Variants in ZNF599 observed in about 807,000 individuals in gnomAD.
ZNF599 encodes the protein zinc finger protein 599.
A neutral mutation model predicts 11.7 loss-of-function variants in ZNF599; 10 were observed. The observed-to-expected ratio is 0.86, with a 90% confidence interval of 0.53 to 1.45. The LOEUF is 1.45. Among genes scored for constraint, ZNF599 ranks in the 40% most tolerant of loss-of-function variants. ZNF599 has a pLI of 0.00. For synonymous variants in ZNF599, 232 were observed against 253.2 expected, an observed-to-expected ratio of 0.92 and a Z score of 0.79; for missense variants, 688 against 713.6, an observed-to-expected ratio of 0.96 and a Z score of 0.41.
rs147164594 is a variant in ZNF599, at chr19:34,769,147, C to A, written c.145+282G>T. Among the ~76,000 whole-genome samples the A allele has an allele frequency of 3.1e-3, 474 of 152,344 alleles. 2 individuals are homozygous for A. The highest frequency in any genetic ancestry group is 2.4e-3 in the Non-Finnish European group (165 of 68,038). On this transcript the variant is annotated intron_variant, in intron 2 of 3. Transcript: ENST00000329285. The stretch of plus-strand genomic sequence containing the variant: ...TGTGAGGACATTTGACTCAACCAAG[C>A]TGGGCCAATTACCTCTTGTGGCAGT...
the ZNF599 span, among the ~76,000 whole-genome samples, chr19:34,806,779 C>T: frequency 2.6e-5 from 4 of 152,176 alleles, no homozygotes; most frequent in South Asian, 2.1e-4. Context: ...CTCTCCAAAC[C>T]GCTTTGTCTT....
chr19:34,777,233 T>A (rs544217875), upstream of ZNF599, among the ~76,000 whole-genome samples: 691 of 133,056 alleles, frequency 5.2e-3, 2 homozygotes, highest in Non-Finnish European at 6.4e-3. Context: ...CTCTGGATAT[T>A]TAAATATATA....
chr19:34,804,307 T>C, the ZNF599 span, among the ~76,000 whole-genome samples: 3 of 152,232 alleles, frequency 2.0e-5, no homozygotes, highest in Non-Finnish European at 4.4e-5. Context: ...CATGAATGTC[T>C]ATTCTTCTCT....
chr19:34,806,061 C>T, the ZNF599 span, among the ~76,000 whole-genome samples: 3 of 152,170 alleles, frequency 2.0e-5, no homozygotes, highest in Non-Finnish European at 4.4e-5. Flanking sequence ...CACCACAATC[C>T]TATAGCCACG....
At chr19:34,785,837 A>G in the ZNF599 span, among the ~76,000 whole-genome samples, 4 of 152,294 alleles carry the variant, frequency 2.6e-5, no homozygotes, top group Middle Eastern at 3.4e-3. Context: ...CCCAGGGCCA[A>G]CTGGAATGCT....
intron 3 of ZNF599, chr19:34,763,066 A>G (rs2069121737): frequency 6.6e-6 from 1 of 152,234 alleles, no homozygotes; most frequent in Non-Finnish European, 1.5e-5. Flanking sequence ...ATCTTCCTAC[A>G]GAATAAGCAA....
chr19:34,771,453 T>C (rs1192975908), intron 1 of ZNF599, among the ~76,000 whole-genome samples: 2 of 152,182 alleles, frequency 1.3e-5, no homozygotes, highest in Non-Finnish European at 2.9e-5. Flanking sequence ...CAGCACATTA[T>C]CAATGCGCTC....
upstream of ZNF599, among the ~76,000 whole-genome samples, chr19:34,777,439 A>G (rs12984297): frequency 6.3e-5 from 6 of 94,888 alleles, no homozygotes; most frequent in East Asian, 1.3e-3. Flanking sequence ...ATAATATATG[A>G]TATATATTAA....
chr19:34,766,501 G>C lies in ZNF599; in HGVS notation c.241+815C>G, dbSNP rs186840476. Among the ~76,000 whole-genome samples the C allele has an allele frequency of 2.9e-3, 440 of 152,324 alleles. 3 individuals are homozygous for C. Among genetic ancestry groups the C allele is most frequent in the African/African-American group, 0.01 (423 of 41,556 alleles). ...CTTCTGAATGCAGAAGAATGTCTGA[G>C]CTATCACTATTCCTTATGACTAACA... On this transcript the variant is annotated intron_variant, in intron 3 of 3. Transcript: ENST00000329285.
the ZNF599 span, among the ~76,000 whole-genome samples, chr19:34,789,915 A>C: frequency 6.6e-6 from 1 of 152,282 alleles, no homozygotes; most frequent in African/African-American, 2.4e-5. Flanking sequence ...ATATCCAAAA[A>C]GTCGTGGCTC....
At chr19:34,778,425 T>C in the ZNF599 span, among the ~76,000 whole-genome samples, 2 of 151,824 alleles carry the variant, frequency 1.3e-5, no homozygotes, top group Non-Finnish European at 1.5e-5. Context: ...AGAAAAAACT[T>C]AGAGAAAATC....
At chr19:34,794,121 C>A in the ZNF599 span, among the ~76,000 whole-genome samples, 2 of 152,158 alleles carry the variant, frequency 1.3e-5, no homozygotes, top group Non-Finnish European at 2.9e-5. Context: ...ATTTTTAAAA[C>A]CATCAGGTCT....
At chr19:34,805,009 G>A in the ZNF599 span, among the ~76,000 whole-genome samples, 1 of 152,114 alleles carries the variant, frequency 6.6e-6, no homozygotes, top group African/African-American at 2.4e-5. Context: ...TTGTTTCTTG[G>A]CAGTCAGCTT....
At chr19:34,777,438 GAT>G (rs1176921347), upstream of ZNF599, among the ~76,000 whole-genome samples, 6 of 81,570 alleles carry the variant, frequency 7.4e-5, no homozygotes, top group East Asian at 3.0e-4. Context: ...TATAATATAT[GAT>G]ATATATTAAT....
chr19:34,773,136 C>T lies in ZNF599; in HGVS notation c.-295G>A. 1 of 396,850 alleles carries T rather than the reference C, an allele frequency of 2.5e-6. No homozygotes were observed. The highest frequency in any genetic ancestry group is 4.5e-6 in the Non-Finnish European group (1 of 223,482). 24.6% of individuals were successfully genotyped at this position (396,850 alleles called of 1,614,324 possible). ...GTCTCTACTCGGTCTCGAAAAGTGG[C>T]CCCTGTCTGGCGTTCTACCCAGTGT... On this transcript the variant is annotated 5_prime_UTR_variant, in exon 1 of 4. Transcript: ENST00000329285.
At chr19:34,782,794 TC>T in the ZNF599 span, among the ~76,000 whole-genome samples, 1 of 152,112 alleles carries the variant, frequency 6.6e-6, no homozygotes, top group African/African-American at 2.4e-5. Flanking sequence ...GGTATAGGCG[TC>T]TCTGAGCCTC....
intron 2 of ZNF599, among the ~76,000 whole-genome samples, chr19:34,768,855 T>G (rs1465242972): frequency 2.0e-5 from 3 of 152,214 alleles, no homozygotes; most frequent in African/African-American, 4.8e-5. Context: ...CTTTCTCAGA[T>G]AGCATACATC....
At chr19:34,781,046 C>T in the ZNF599 span, among the ~76,000 whole-genome samples, 1 of 152,054 alleles carries the variant, frequency 6.6e-6, no homozygotes, top group African/African-American at 2.4e-5. Flanking sequence ...GTCCCAGCTA[C>T]TCAGGAGGCT....
chr19:34,786,442 CTT>C, the ZNF599 span, among the ~76,000 whole-genome samples: 1 of 151,316 alleles, frequency 6.6e-6, no homozygotes, highest in African/African-American at 2.5e-5. Flanking sequence ...CCTTACTATT[CTT>C]TAACAAGCGT....
Sources: allele counts gnomAD v4.1 joint callset (sites outside exome capture counted in the v4.1 genomes callset), GRCh38; gene constraint gnomAD v4.1.1; transcripts MANE v1.5; gene names NCBI Gene and HGNC (gene_info 2026-07-23, HGNC 2026-07-21).